The following DRC2 variants were observed in gnomAD, a reference collection of about 807,000 sequenced individuals.
DRC2 encodes the protein dynein regulatory complex subunit 2.
chr12:48,908,615 ATTTAT>A, the DRC2 span, among the ~76,000 whole-genome samples: 2 of 146,778 alleles, frequency 1.4e-5, no homozygotes, highest in Non-Finnish European at 3.0e-5. Context: ...TTATTTATTT[ATTTAT>A]TTTATTTTTA....
At chr12:48,912,026 G>A in the DRC2 span, among the ~76,000 whole-genome samples, 38 of 151,954 alleles carry the variant, frequency 2.5e-4, no homozygotes, top group East Asian at 7.7e-4. Flanking sequence ...TTAGGAGGCC[G>A]AGGATGGCGG....
At chr12:48,914,680 A>G in the DRC2 span, 1 of 1,028,816 alleles carries the variant, frequency 9.7e-7, no homozygotes, top group Admixed American at 2.7e-5. Flanking sequence ...AGCATCCCAC[A>G]TTGATTATCA....
the DRC2 span, among the ~76,000 whole-genome samples, chr12:48,917,860 G>A: frequency 5.3e-5 from 8 of 152,312 alleles, no homozygotes; most frequent in African/African-American, 1.9e-4. Context: ...CTAGGTTTGG[G>A]TATGGAGTTC....
At chr12:48,916,675 C>G in the DRC2 span, among the ~76,000 whole-genome samples, 2 of 133,758 alleles carry the variant, frequency 1.5e-5, no homozygotes, top group Non-Finnish European at 3.2e-5. Context: ...TACCCACTTT[C>G]AACTATCAAA....
the DRC2 span, chr12:48,904,156 C>A: frequency 1.4e-6 from 1 of 732,874 alleles, no homozygotes; most frequent in Non-Finnish European, 2.2e-6. Flanking sequence ...AGTGGGAGAG[C>A]TCAGCCTCAC....
the DRC2 span, among the ~76,000 whole-genome samples, chr12:48,914,754 C>T: frequency 6.6e-6 from 1 of 152,228 alleles, no homozygotes; most frequent in South Asian, 2.1e-4. Flanking sequence ...GTTTGCAGCT[C>T]TAGCTTCCCT....
At chr12:48,910,272 G>A in the DRC2 span, among the ~76,000 whole-genome samples, 1 of 152,218 alleles carries the variant, frequency 6.6e-6, no homozygotes, top group African/African-American at 2.4e-5. Context: ...CTACTAGACT[G>A]TAAGCTCCTT....
the DRC2 span, among the ~76,000 whole-genome samples, chr12:48,911,507 T>A: frequency 6.6e-6 from 1 of 151,898 alleles, no homozygotes; most frequent in Non-Finnish European, 1.5e-5. Flanking sequence ...CAGTGAGCTG[T>A]GATCATGCCA....
chr12:48,918,547 C>A, the DRC2 span: 1 of 1,529,622 alleles, frequency 6.5e-7, no homozygotes, highest in South Asian at 1.2e-5. Context: ...CCTTGTTTCC[C>A]CTGGGCCTCA....
the DRC2 span, chr12:48,920,793 C>A: frequency 1.5e-6 from 1 of 673,380 alleles, no homozygotes. Context: ...TGGTAACCTC[C>A]ATTTGCTATA....
chr12:48,914,493 G>T, the DRC2 span: 4 of 1,614,114 alleles, frequency 2.5e-6, no homozygotes, highest in Non-Finnish European at 3.4e-6. Flanking sequence ...TCTTGGCCCT[G>T]CAGAGGCACC....
the DRC2 span, chr12:48,918,263 G>C: frequency 1.9e-6 from 3 of 1,613,152 alleles, no homozygotes; most frequent in African/African-American, 4.0e-5. Context: ...CTATTTTGGG[G>C]TCACTTGCTA....
At chr12:48,918,198 G>A in the DRC2 span, 6 of 1,356,232 alleles carry the variant, frequency 4.4e-6, no homozygotes, top group Non-Finnish European at 6.3e-6. Context: ...AGTTCAAGAG[G>A]GTGGGATTGC....
the DRC2 span, among the ~76,000 whole-genome samples, chr12:48,910,809 C>T: frequency 1.0e-3 from 153 of 152,204 alleles, 1 homozygote; most frequent in African/African-American, 3.6e-3. Flanking sequence ...CTTTGGGAGG[C>T]CAATGCAGGC....
the DRC2 span, among the ~76,000 whole-genome samples, chr12:48,912,064 C>A: frequency 6.6e-6 from 1 of 151,918 alleles, no homozygotes; most frequent in African/African-American, 2.4e-5. Context: ...TTGAGACCAG[C>A]CTGACCAACA....
At chr12:48,916,636 G>C in the DRC2 span, among the ~76,000 whole-genome samples, 1 of 150,708 alleles carries the variant, frequency 6.6e-6, no homozygotes, top group East Asian at 1.9e-4. Context: ...ACCATGGGGA[G>C]AGGGAGAGGG....
chr12:48,910,181 T>C, the DRC2 span, among the ~76,000 whole-genome samples: 1 of 152,240 alleles, frequency 6.6e-6, no homozygotes, highest in Non-Finnish European at 1.5e-5. Flanking sequence ...CAGTCCTTTA[T>C]ATCTCATTGT....
At chr12:48,915,690 G>A in the DRC2 span, among the ~76,000 whole-genome samples, 22 of 151,896 alleles carry the variant, frequency 1.4e-4, no homozygotes, top group Middle Eastern at 3.4e-3. Context: ...AGGGGCGGCC[G>A]GGCAGAGGGG....
the DRC2 span, among the ~76,000 whole-genome samples, chr12:48,913,445 A>G: frequency 6.6e-6 from 1 of 151,254 alleles, no homozygotes; most frequent in African/African-American, 2.4e-5. Context: ...CGGGGATTAT[A>G]GGTACGCATC....
Sources: allele counts gnomAD v4.1 joint callset (sites outside exome capture counted in the v4.1 genomes callset), GRCh38; gene constraint gnomAD v4.1.1; transcripts MANE v1.5; gene names NCBI Gene and HGNC (gene_info 2026-07-23, HGNC 2026-07-21).